The following FAM24B variants were observed in gnomAD, a reference collection of about 807,000 sequenced individuals.
The protein encoded by FAM24B is protein FAM24B.
Under a neutral mutation model 2.3 loss-of-function variants are expected in FAM24B, and 3 were observed. The observed-to-expected ratio is 1.29, with a 90% confidence interval of 0.59 to 3.32. FAM24B has a LOEUF of 3.32. Among genes scored for constraint, FAM24B ranks in the 30% most tolerant of loss-of-function variants. The pLI, the probability that FAM24B is intolerant of heterozygous loss-of-function variation, is 0.03. For synonymous variants in FAM24B, 36 were observed against 46.3 expected (o/e 0.78, Z 0.90); for missense variants, 98 against 117.2 (o/e 0.84, Z 0.76).
intron 1 of FAM24B, among the ~76,000 whole-genome samples, chr10:122,865,849 T>C (rs747719081): frequency 1.1e-4 from 16 of 152,010 alleles, no homozygotes; most frequent in Non-Finnish European, 2.2e-4. Context: ...GTACATTGTA[T>C]CTTTCAGGAA....
chr10:122,870,700 A>C (rs540447806), intron 1 of FAM24B, among the ~76,000 whole-genome samples: 45 of 152,352 alleles, frequency 3.0e-4, no homozygotes, highest in African/African-American at 9.4e-4. Context: ...AGATTATCTC[A>C]ATAGATGCAG....
intron 1 of FAM24B, among the ~76,000 whole-genome samples, chr10:122,869,755 T>C (rs187656581): frequency 2.0e-5 from 3 of 152,180 alleles, no homozygotes; most frequent in Admixed American, 2.0e-4. Context: ...AGACACAGCA[T>C]ACCAGAATCT....
chr10:122,856,190 A>T (rs898778379), intron 1 of FAM24B, among the ~76,000 whole-genome samples: 1 of 152,124 alleles, frequency 6.6e-6, no homozygotes, highest in Non-Finnish European at 1.5e-5. Context: ...TAAGTGACTC[A>T]CATCTTTGCC....
intron 1 of FAM24B, among the ~76,000 whole-genome samples, chr10:122,858,018 A>G (rs1847666260): frequency 6.6e-6 from 1 of 152,220 alleles, no homozygotes; most frequent in South Asian, 2.1e-4. Context: ...ATCTAGAGCT[A>G]GAAATACCAT....
chr10:122,872,844 A>T (rs1286080536), intron 1 of FAM24B, among the ~76,000 whole-genome samples: 1 of 152,174 alleles, frequency 6.6e-6, no homozygotes, highest in East Asian at 1.9e-4. Context: ...TTAAATGACG[A>T]GTTAATGGGT....
At chr10:122,852,736 C>T (rs1056221465) in intron 2 of FAM24B, among the ~76,000 whole-genome samples, 17 of 152,198 alleles carry the variant, frequency 1.1e-4, no homozygotes, top group African/African-American at 3.9e-4. Flanking sequence ...TGACACCACC[C>T]TGGTGGAGGG....
chr10:122,860,781 T>C (rs532947728), intron 1 of FAM24B, among the ~76,000 whole-genome samples: 5 of 152,254 alleles, frequency 3.3e-5, no homozygotes, highest in Non-Finnish European at 7.3e-5. Context: ...ATTTTGAGCA[T>C]CTTTTCATAT....
intron 1 of FAM24B, among the ~76,000 whole-genome samples, chr10:122,859,433 G>A (rs1847693365): frequency 6.6e-6 from 1 of 152,206 alleles, no homozygotes; most frequent in South Asian, 2.1e-4. Flanking sequence ...AAGATGGTGA[G>A]TGAGAGATGG....
intron 1 of FAM24B, among the ~76,000 whole-genome samples, chr10:122,859,240 C>T (rs543564003): frequency 2.6e-5 from 4 of 152,314 alleles, no homozygotes; most frequent in South Asian, 4.1e-4. Context: ...AAACAAAACA[C>T]GTTGGATGAC....
At chr10:122,863,793 C>T (rs1170583603) in intron 1 of FAM24B, among the ~76,000 whole-genome samples, 1 of 152,186 alleles carries the variant, frequency 6.6e-6, no homozygotes, top group Admixed American at 6.5e-5. Flanking sequence ...TTCAGGCTGG[C>T]CCCCTCCACA....
intron 1 of FAM24B, among the ~76,000 whole-genome samples, chr10:122,865,441 T>C (rs1276706373): frequency 6.6e-6 from 1 of 152,194 alleles, no homozygotes; most frequent in African/African-American, 2.4e-5. Flanking sequence ...AGAAACATAC[T>C]AGAATACCTT....
intron 1 of FAM24B, among the ~76,000 whole-genome samples, chr10:122,878,233 C>T (rs1329604334): frequency 6.6e-6 from 1 of 152,072 alleles, no homozygotes; most frequent in East Asian, 1.9e-4. Context: ...CTTTGTATGC[C>T]TGTTAAGAAG....
chr10:122,879,040 A>G (rs2133846072), intron 1 of FAM24B, among the ~76,000 whole-genome samples: 1 of 152,354 alleles, frequency 6.6e-6, no homozygotes, highest in South Asian at 2.1e-4. Context: ...GGAGTACAAA[A>G]GGAAGAAAGA....
intron 2 of FAM24B, 104 bp from the exon 3 acceptor site, chr10:122,850,654 CA>C: frequency 1.5e-6 from 1 of 688,120 alleles, no homozygotes; most frequent in Non-Finnish European, 2.6e-6. Context: ...ACCCCAAACA[CA>C]GATCCTTATG....
At chr10:122,871,547 C>T (rs9423232) in intron 1 of FAM24B, among the ~76,000 whole-genome samples, 2,153 of 151,872 alleles carry the variant, frequency 0.014, 31 homozygotes, top group East Asian at 0.068. Context: ...TACTACAGGG[C>T]TACAGTAACC....
chr10:122,859,377 G>C (rs1177416456), intron 1 of FAM24B, among the ~76,000 whole-genome samples: 2 of 152,222 alleles, frequency 1.3e-5, no homozygotes, highest in African/African-American at 4.8e-5. Flanking sequence ...TATCAGAACA[G>C]AGGCAGCCAT....
At chr10:122,868,567 A>G (rs1330296383) in intron 1 of FAM24B, among the ~76,000 whole-genome samples, 3 of 152,310 alleles carry the variant, frequency 2.0e-5, no homozygotes, top group East Asian at 1.9e-4. Flanking sequence ...GAAGCCCATC[A>G]GACTAACAGC....
intron 1 of FAM24B, among the ~76,000 whole-genome samples, chr10:122,858,275 C>T (rs1337269684): frequency 6.6e-6 from 1 of 152,038 alleles, no homozygotes; most frequent in Non-Finnish European, 1.5e-5. Flanking sequence ...AAGCTGGAAA[C>T]CATCATTCTC....
chr10:122,861,052 C>T (rs1016042655), intron 1 of FAM24B, among the ~76,000 whole-genome samples: 1 of 151,920 alleles, frequency 6.6e-6, no homozygotes, highest in Non-Finnish European at 1.5e-5. Context: ...CCAATTTATC[C>T]TTTTATTCAT....
Sources: gnomAD v4.1 joint callset for allele counts (sites outside exome capture counted in the v4.1 genomes callset) on GRCh38, gnomAD v4.1.1 for gene constraint, MANE v1.5 for transcripts, NCBI Gene and HGNC (gene_info 2026-07-23, HGNC 2026-07-21) for gene names.